The following TDRD7 variants were observed in gnomAD, a reference collection of about 807,000 sequenced individuals.
TDRD7 encodes the protein tudor domain-containing protein 7.
In TDRD7, 47 loss-of-function variants were observed where a neutral mutation model predicts 109.8. The ratio of observed to expected loss-of-function variants is 0.43; its 90% CI spans 0.34 to 0.55. The LOEUF (loss-of-function observed/expected upper bound fraction) is 0.55, where lower values mean the gene tolerates loss of function less well. TDRD7 is among the 20% of genes least tolerant of loss of function. The pLI is 0.03. For missense variants in TDRD7, 1,164 were observed against 1,319.2 expected (o/e 0.88, Z 1.82); for synonymous variants, 424 against 457.3 (o/e 0.93, Z 0.93).
intron 2 of TDRD7, among the ~76,000 whole-genome samples, chr9:97,430,643 C>T (rs549929751): frequency 6.0e-4 from 92 of 152,170 alleles, no homozygotes; most frequent in South Asian, 5.4e-3. Context: ...GCTTTTTGTT[C>T]ATTTGGTAAT....
At chr9:97,414,981 G>C (rs889961096) in intron 1 of TDRD7, among the ~76,000 whole-genome samples, 2 of 152,144 alleles carry the variant, frequency 1.3e-5, no homozygotes, top group Non-Finnish European at 2.9e-5. Context: ...AGACATTATG[G>C]GACTTTAAGT....
At chr9:97,439,683 G>A (rs1828265231) in intron 5 of TDRD7, among the ~76,000 whole-genome samples, 1 of 152,126 alleles carries the variant, frequency 6.6e-6, no homozygotes, top group Admixed American at 6.6e-5. Flanking sequence ...GATTAAAAGT[G>A]CATAAATATG....
rs1401700202 is a variant in TDRD7, at chr9:97,442,927, A to G, written c.855+1052A>G. Among the ~76,000 whole-genome samples, 6 of 152,104 alleles carry G rather than the reference A, an allele frequency of 3.9e-5. No homozygotes were observed. The East Asian group carries it at 7.8e-4, about 20-fold the overall frequency. On this transcript the variant is annotated intron_variant, in intron 6 of 16. Coordinates refer to ENST00000355295, the MANE Select transcript of TDRD7 (RefSeq NM_014290.3). ...TCTCCTGCCTCAGCCTTCCGAGTAA[A>G]TGGGGCTATGGGCGTTAGCCACTAC...
In TDRD7 at chr9:97,412,807, A is replaced by G. The variant is rs1216445124; in HGVS notation, c.-7+569A>G. Among the ~76,000 whole-genome samples, 2 of 152,200 alleles carry G rather than the reference A, an allele frequency of 1.3e-5. No homozygotes were observed. Among genetic ancestry groups the G allele is most frequent in the African/African-American group, 2.4e-5 (1 of 41,452 alleles). On this transcript the variant is annotated intron_variant, in intron 1 of 16. Coordinates refer to ENST00000355295, the MANE Select transcript of TDRD7 (RefSeq NM_014290.3). This position sits in a 1 kb window ranked among gnomAD's most constrained non-coding sequence, Gnocchi z 4.3. ...CTCAAACGAGGAGCACCCAGTGGGT[A>G]CAGAGCACCCAGCTGGGAGGGAAAC... is the stretch of plus-strand genomic sequence containing the variant.
At chr9:97,448,612 A>G (rs1353469156) in intron 6 of TDRD7, among the ~76,000 whole-genome samples, 1 of 152,032 alleles carries the variant, frequency 6.6e-6, no homozygotes, top group Non-Finnish European at 1.5e-5. Context: ...TTAAAATGGG[A>G]TTATTTTTTG....
At chr9:97,478,328 A>G in intron 12 of TDRD7, 111 bp from the exon 13 acceptor site, 8 of 1,159,306 alleles carry the variant, frequency 6.9e-6, no homozygotes, top group South Asian at 1.3e-5. Flanking sequence ...TTTAACACTG[A>G]TAGTCTGTTC....
At chr9:97,413,119 C>T (rs1211070831) in intron 1 of TDRD7, among the ~76,000 whole-genome samples, 1 of 152,206 alleles carries the variant, frequency 6.6e-6, no homozygotes. Context: ...AGTTCATTAA[C>T]CCTCCTACCA....
At chr9:97,480,534 A>G (rs1166872558) in intron 13 of TDRD7, 1 of 398,532 alleles carries the variant, frequency 2.5e-6, no homozygotes, top group African/African-American at 2.1e-5. Context: ...CCATTTCCCC[A>G]TCTGTGAAAT....
At chr9:97,444,638 A>T (rs141444468) in intron 6 of TDRD7, among the ~76,000 whole-genome samples, 1 of 152,352 alleles carries the variant, frequency 6.6e-6, no homozygotes, top group Non-Finnish European at 1.5e-5. Context: ...ATCTCTCTTT[A>T]TGGCTTGTCT....
chr9:97,434,022 A>G (rs1359570158), intron 4 of TDRD7, among the ~76,000 whole-genome samples: 3 of 152,214 alleles, frequency 2.0e-5, no homozygotes, highest in Non-Finnish European at 4.4e-5. Context: ...TTCAAAGGCT[A>G]TGAAATCCGT....
chr9:97,486,562 A>G (rs1057246791), intron 15 of TDRD7, among the ~76,000 whole-genome samples: 1 of 151,698 alleles, frequency 6.6e-6, no homozygotes, highest in Non-Finnish European at 1.5e-5. Context: ...AAAATTGCAA[A>G]CTTTTTTTGT....
intron 16 of TDRD7, among the ~76,000 whole-genome samples, chr9:97,489,554 T>C (rs977681519): frequency 7.9e-5 from 12 of 152,238 alleles, no homozygotes; most frequent in African/African-American, 2.7e-4. Flanking sequence ...AAAGTGGTCT[T>C]GTAGATAATA....
intron 14 of TDRD7, 149 bp from the exon 15 acceptor site, chr9:97,482,700 C>T: frequency 1.3e-6 from 1 of 784,650 alleles, no homozygotes; most frequent in African/African-American, 1.7e-5. Context: ...CATTGCCAAG[C>T]TGTGATAATT....
intron 4 of TDRD7, among the ~76,000 whole-genome samples, chr9:97,435,853 A>C (rs1315157274): frequency 6.6e-6 from 1 of 152,150 alleles, no homozygotes; most frequent in African/African-American, 2.4e-5. Flanking sequence ...ATGAAATATT[A>C]ATGTAGTAAA....
intron 16 of TDRD7, among the ~76,000 whole-genome samples, chr9:97,495,007 G>A (rs1481732953): frequency 1.3e-5 from 2 of 152,192 alleles, no homozygotes; most frequent in Admixed American, 6.5e-5. Flanking sequence ...CACTGTGCCC[G>A]GCCAATGTGT....
Position 97,487,330 on chromosome 9 carries a change from C to T in TDRD7, c.3074C>T (p.Ala1025Val). 1 of 1,613,870 alleles carries T rather than the reference C, an allele frequency of 6.2e-7. No individual in the cohort carries two copies. Among genetic ancestry groups the T allele is most frequent in the Non-Finnish European group, 8.5e-7 (1 of 1,179,848 alleles). The change falls in exon 16 of 17, where the codon GCA becomes GTA. Residue 1025 changes from alanine to valine, a missense_variant and splice_region_variant. Around this residue, in one of 5 missense-constraint regions of TDRD7, gnomAD observed 162 missense variants for 222.5 expected, o/e 0.73. Coordinates refer to ENST00000355295, the MANE Select transcript of TDRD7 (RefSeq NM_014290.3). ...LPFQAVTAQL[A>V]GVKCNQWSEE... The stretch of plus-strand genomic sequence containing the variant: ...TTCCAAGCAGTCACAGCTCAACTTG[C>T]AGGTAATTTCTGTGGAATCTGAACT...
intron 2 of TDRD7, among the ~76,000 whole-genome samples, chr9:97,430,225 A>G (rs1373525692): frequency 1.3e-5 from 2 of 152,186 alleles, no homozygotes; most frequent in Non-Finnish European, 2.9e-5. Flanking sequence ...TTAAAGATAC[A>G]GAGCTGAGCT....
intron 2 of TDRD7, among the ~76,000 whole-genome samples, chr9:97,430,549 C>A (rs1188005606): frequency 1.3e-5 from 2 of 152,186 alleles, no homozygotes; most frequent in Non-Finnish European, 2.9e-5. Context: ...GCTTAACTTT[C>A]CCGAGCCTCT....
At chr9:97,420,194 A>G (rs1378556611) in intron 1 of TDRD7, among the ~76,000 whole-genome samples, 2 of 152,144 alleles carry the variant, frequency 1.3e-5, no homozygotes, top group African/African-American at 4.8e-5. Context: ...TCATCAATAA[A>G]AAGGAATGAA....
Sources: gnomAD v4.1 joint callset for allele counts (sites outside exome capture counted in the v4.1 genomes callset) on GRCh38, gnomAD v4.1.1 for gene constraint, gnomAD v4.1.1 regional missense constraint, Gnocchi (gnomAD v3.1) non-coding constraint, MANE v1.5 for transcripts, NCBI Gene and HGNC (gene_info 2026-07-23, HGNC 2026-07-21) for gene names.